Variants in CNTN4 observed in about 807,000 individuals in gnomAD.
CNTN4 encodes the protein contactin 4.
In CNTN4, 77 loss-of-function variants were observed where a neutral mutation model predicts 122.5. The ratio of observed to expected loss-of-function variants is 0.63; its 90% CI spans 0.52 to 0.76. The LOEUF (loss-of-function observed/expected upper bound fraction) is 0.76. Ranked by LOEUF, CNTN4 falls within the 30% of genes least tolerant of loss-of-function variation. The pLI is 0.00. For synonymous variants in CNTN4, 512 were observed against 447.0 expected, an observed-to-expected ratio of 1.15 and a Z score of -1.83; for missense variants, 1,256 against 1,259.1, an observed-to-expected ratio of 1.00 and a Z score of 0.04.
At chr3:2,948,272 G>T (rs960439359) in intron 13 of CNTN4, among the ~76,000 whole-genome samples, 5 of 152,152 alleles carry the variant, frequency 3.3e-5, no homozygotes, top group African/African-American at 1.2e-4. Flanking sequence ...GACCTGACAA[G>T]CTCTGTGATC....
chr3:2,633,966 G>T (rs2082550301), intron 4 of CNTN4, among the ~76,000 whole-genome samples: 1 of 152,286 alleles, frequency 6.6e-6, no homozygotes, highest in Admixed American at 6.5e-5. Flanking sequence ...ATGAAGAAAT[G>T]CTTGCCTACT....
At chr3:2,107,607 G>T (rs910049322) in intron 2 of CNTN4, among the ~76,000 whole-genome samples, 2 of 152,058 alleles carry the variant, frequency 1.3e-5, no homozygotes, top group Admixed American at 1.3e-4. Context: ...ATAAGATTTG[G>T]GTGGGGACAC....
chr3:3,029,806 C>T (rs1699018631), intron 15 of CNTN4, among the ~76,000 whole-genome samples: 1 of 152,112 alleles, frequency 6.6e-6, no homozygotes, highest in African/African-American at 2.4e-5. Context: ...CCTCAGAGGA[C>T]ATGTGAGTAT....
At chr3:2,293,437 A>T (rs1294105480) in intron 2 of CNTN4, among the ~76,000 whole-genome samples, 1 of 152,228 alleles carries the variant, frequency 6.6e-6, no homozygotes, top group Non-Finnish European at 1.5e-5. Context: ...AGAATGGCAT[A>T]GTATTTATTG....
At chr3:2,579,172 A>G (rs1385622073) in intron 4 of CNTN4, among the ~76,000 whole-genome samples, 1 of 152,236 alleles carries the variant, frequency 6.6e-6, no homozygotes, top group Non-Finnish European at 1.5e-5. Flanking sequence ...TCTTAACTAT[A>G]AGTAAAACTC....
chr3:2,671,636 C>T (rs573904587), intron 4 of CNTN4, among the ~76,000 whole-genome samples: 4 of 152,214 alleles, frequency 2.6e-5, no homozygotes, highest in East Asian at 1.9e-4. Flanking sequence ...TGGTGAGGAG[C>T]TGCGTTCCTT....
intron 3 of CNTN4, among the ~76,000 whole-genome samples, chr3:2,505,852 G>C (rs2076717161): frequency 1.3e-5 from 2 of 152,170 alleles, no homozygotes. Context: ...ATTTACGTGT[G>C]TTCTAAAATT....
chr3:2,895,555 T>C (rs1236762819), intron 10 of CNTN4, among the ~76,000 whole-genome samples: 1 of 152,220 alleles, frequency 6.6e-6, no homozygotes, highest in Non-Finnish European at 1.5e-5. Flanking sequence ...TGTAAAAGGA[T>C]TGGCCTATGG....
intron 2 of CNTN4, among the ~76,000 whole-genome samples, chr3:2,259,958 T>C (rs765803032): frequency 6.6e-6 from 1 of 152,212 alleles, no homozygotes; most frequent in Non-Finnish European, 1.5e-5. Context: ...AATGTCACTC[T>C]TTGTTATTTT....
chr3:2,834,944 G>C (rs1249137409), intron 7 of CNTN4, among the ~76,000 whole-genome samples: 1 of 83,422 alleles, frequency 1.2e-5, no homozygotes, highest in Non-Finnish European at 2.1e-5. Context: ...TCTCTCTGTC[G>C]CCCAGGCTGG....
At chr3:3,036,160 C>G (rs551043569) in intron 17 of CNTN4, among the ~76,000 whole-genome samples, 2 of 152,316 alleles carry the variant, frequency 1.3e-5, no homozygotes, top group South Asian at 4.1e-4. Context: ...AAGATACACA[C>G]TCCTCTAGAC....
At position 2,313,853 on chromosome 3, in the gene CNTN4, T is replaced by G. The variant is rs1210523158; in HGVS notation, c.-144-25325T>G. Among the ~76,000 whole-genome samples, 4 of 151,934 alleles carry G rather than the reference T, an allele frequency of 2.6e-5. No individual in the cohort carries two copies. In the East Asian group the frequency reaches 7.7e-4, roughly 29 times the overall value. Reference sequence around the variant, plus strand: ...AAAATAAAGGATGCTTCCCTTATACTTTGTTTAACTTAGTGATTCTTAAAG... The same window carrying G: ...AAAATAAAGGATGCTTCCCTTATACGTTGTTTAACTTAGTGATTCTTAAAG... On this transcript the variant is annotated intron_variant, in intron 2 of 24. Coordinates refer to ENST00000418658, the MANE Select transcript of CNTN4 (RefSeq NM_175607.3).
intron 3 of CNTN4, among the ~76,000 whole-genome samples, chr3:2,339,951 G>A (rs906721630): frequency 3.9e-5 from 6 of 152,048 alleles, no homozygotes; most frequent in Non-Finnish European, 1.5e-5. Context: ...AATGTTTGGT[G>A]TTCCTTGGCT....
chr3:2,299,744 A>T (rs1368408017), intron 2 of CNTN4, among the ~76,000 whole-genome samples: 2 of 152,158 alleles, frequency 1.3e-5, no homozygotes, highest in African/African-American at 4.8e-5. Flanking sequence ...TACATGATTA[A>T]ATCATTTATG....
At chr3:2,568,741 T>A (rs1210315414) in intron 3 of CNTN4, among the ~76,000 whole-genome samples, 1 of 152,212 alleles carries the variant, frequency 6.6e-6, no homozygotes, top group Non-Finnish European at 1.5e-5. Context: ...TATTTCTGAT[T>A]AGCAAAGGTG....
chr3:2,396,722 A>T (rs2046655094), intron 3 of CNTN4, among the ~76,000 whole-genome samples: 1 of 151,736 alleles, frequency 6.6e-6, no homozygotes, highest in Admixed American at 6.6e-5. Flanking sequence ...TCAGAAGATT[A>T]TGAAAGAACT....
rs565602280 is a variant in CNTN4, at chr3:2,618,288, T to C, written c.55+46730T>C. Among the ~76,000 whole-genome samples, 8 of 152,270 alleles carry C rather than the reference T, an allele frequency of 5.3e-5. No individual in the cohort carries two copies. In the South Asian group the frequency reaches 1.7e-3, roughly 32 times the overall value. ...TGCATGTATATGTGTATAAATAATA[T>C]ATGTATATGTGTGTATGTATGTATA... is the stretch of plus-strand genomic sequence containing the variant. On this transcript the variant is annotated intron_variant, in intron 4 of 24. Coordinates refer to ENST00000418658, the MANE Select transcript of CNTN4 (RefSeq NM_175607.3).
chr3:2,846,309 C>A (rs1347445216), intron 7 of CNTN4, among the ~76,000 whole-genome samples: 1 of 152,168 alleles, frequency 6.6e-6, no homozygotes, highest in East Asian at 1.9e-4. Flanking sequence ...TGAGTGAATT[C>A]TCATGAGATC....
chr3:2,175,088 G>A (rs1415973329), intron 2 of CNTN4, among the ~76,000 whole-genome samples: 1 of 152,104 alleles, frequency 6.6e-6, no homozygotes, highest in Non-Finnish European at 1.5e-5. Context: ...ATTTGCAGGG[G>A]ACATAAATAT....
Sources: allele counts gnomAD v4.1 joint callset (sites outside exome capture counted in the v4.1 genomes callset), GRCh38; gene constraint gnomAD v4.1.1; transcripts MANE v1.5; gene names NCBI Gene and HGNC (gene_info 2026-07-23, HGNC 2026-07-21).